Variants in FNDC3B observed in about 807,000 individuals in gnomAD.
FNDC3B encodes the protein fibronectin type III domain-containing protein 3B.
Under a neutral mutation model 151.5 loss-of-function variants are expected in FNDC3B, and 12 were observed. The ratio of observed to expected loss-of-function variants is 0.08; its 90% confidence interval spans 0.05 to 0.13. The LOEUF is 0.13. FNDC3B is among the 10% of genes least tolerant of loss of function. FNDC3B has a pLI of 1.00. For missense variants in FNDC3B, 1,214 were observed against 1,505.3 expected (o/e 0.81, Z 3.20); for synonymous variants, 528 against 549.0 (o/e 0.96, Z 0.54).
intron 3 of FNDC3B, among the ~76,000 whole-genome samples, 188 bp from the exon 4 acceptor site, chr3:172,226,683 T>G (rs1200596433): frequency 6.6e-6 from 1 of 152,232 alleles, no homozygotes; most frequent in Non-Finnish European, 1.5e-5. Flanking sequence ...TTCTTTGAGT[T>G]GTATAGCTGG....
chr3:172,115,003 T>G (rs1720173434), intron 2 of FNDC3B, among the ~76,000 whole-genome samples: 1 of 152,184 alleles, frequency 6.6e-6, no homozygotes, highest in Non-Finnish European at 1.5e-5. Context: ...ATGGGCAAAA[T>G]TGTTAAGTGG....
At chr3:172,132,703 A>G (rs556651714) in intron 2 of FNDC3B, among the ~76,000 whole-genome samples, 28 of 152,192 alleles carry the variant, frequency 1.8e-4, no homozygotes, top group African/African-American at 6.3e-4. Flanking sequence ...CAGCCTAACT[A>G]TAGTTTTTTA....
chr3:172,352,094 C>T lies in FNDC3B; in HGVS notation c.2515-709C>T, dbSNP rs1212965180. Among the ~76,000 whole-genome samples the T allele has an allele frequency of 6.6e-6, 1 of 152,114 alleles. No homozygotes were observed. Among genetic ancestry groups the T allele is most frequent in the Non-Finnish European group, 1.5e-5 (1 of 68,018 alleles). ...GGTACCGAAGTACTGAGGGCTGATA[C>T]TCACCAGCGTTAAGAGTTCAGGGGA... is the stretch of plus-strand genomic sequence containing the variant. On this transcript the variant is annotated intron_variant, in intron 21 of 25. Transcript: ENST00000415807. This position sits in a 1 kb window ranked among gnomAD's most constrained non-coding sequence, Gnocchi z 4.2.
chr3:172,160,629 A>G (rs1236988341), intron 3 of FNDC3B, among the ~76,000 whole-genome samples: 1 of 152,282 alleles, frequency 6.6e-6, no homozygotes, highest in African/African-American at 2.4e-5. Context: ...CTAGGGGGCC[A>G]TGATCCAATA....
chr3:172,331,115 T>C (rs1415438336), intron 13 of FNDC3B, among the ~76,000 whole-genome samples: 1 of 152,222 alleles, frequency 6.6e-6, no homozygotes, highest in Non-Finnish European at 1.5e-5. Flanking sequence ...AACTTCATCC[T>C]TACTAGGCTT....
intron 3 of FNDC3B, among the ~76,000 whole-genome samples, chr3:172,167,107 A>G (rs77262503): frequency 0.12 from 18,138 of 152,160 alleles, 1,116 homozygotes; most frequent in African/African-American, 0.16. Flanking sequence ...TAGAATATAC[A>G]CTTAAGGGCC....
chr3:172,204,111 C>A (rs1019839925), intron 3 of FNDC3B, among the ~76,000 whole-genome samples: 1 of 152,194 alleles, frequency 6.6e-6, no homozygotes, highest in Admixed American at 6.5e-5. Flanking sequence ...CATATTGCTG[C>A]CTCTGTGAGG....
chr3:172,395,862 A>T (rs1048952723), intron 25 of FNDC3B, among the ~76,000 whole-genome samples: 3 of 152,218 alleles, frequency 2.0e-5, no homozygotes, highest in African/African-American at 7.2e-5. Flanking sequence ...ACAGAAATGC[A>T]GTCGTGGTAC....
At chr3:172,136,772 T>G (rs1721388651) in intron 3 of FNDC3B, among the ~76,000 whole-genome samples, 1 of 152,126 alleles carries the variant, frequency 6.6e-6, no homozygotes. Flanking sequence ...CAGGCTGGAG[T>G]GCAGTGGCAC....
In FNDC3B at chr3:172,305,999, T is replaced by A. The variant is rs895480867; in HGVS notation, c.1062-1364T>A. ...TATTTGTTTGGATCAAATTTCATGC[T>A]GTCCTCCCATAAGGCAAATAGATCA... is the stretch of plus-strand genomic sequence containing the variant. On this transcript the variant is annotated intron_variant, in intron 9 of 25. Transcript: ENST00000415807. Among the ~76,000 whole-genome samples, 42 of 152,240 alleles carry A rather than the reference T, an allele frequency of 2.8e-4. 1 individual carries two copies. The highest frequency in any genetic ancestry group is 8.9e-4 in the African/African-American group (37 of 41,476).
chr3:172,201,744 G>A (rs1012500779), intron 3 of FNDC3B, among the ~76,000 whole-genome samples: 7 of 152,192 alleles, frequency 4.6e-5, no homozygotes, highest in Non-Finnish European at 8.8e-5. Context: ...TATCAGAATA[G>A]CCTTCATGTT....
At chr3:172,347,922 C>T (rs1207218205) in intron 21 of FNDC3B, among the ~76,000 whole-genome samples, 2 of 152,208 alleles carry the variant, frequency 1.3e-5, no homozygotes, top group African/African-American at 4.8e-5. Context: ...GGTTCATAGC[C>T]TAACCCCTCA....
intron 3 of FNDC3B, among the ~76,000 whole-genome samples, chr3:172,165,486 T>C (rs1003784266): frequency 6.6e-6 from 1 of 152,206 alleles, no homozygotes; most frequent in Admixed American, 6.5e-5. Flanking sequence ...CATTTTTTTG[T>C]TTTGGTTGTG....
intron 4 of FNDC3B, among the ~76,000 whole-genome samples, chr3:172,228,939 C>T (rs1576818353): frequency 6.6e-6 from 1 of 152,080 alleles, no homozygotes; most frequent in African/African-American, 2.4e-5. Flanking sequence ...AGGATGTGTA[C>T]ACAACATCTT....
At chr3:172,065,481 A>G (rs1258395753) in intron 1 of FNDC3B, among the ~76,000 whole-genome samples, 1 of 152,228 alleles carries the variant, frequency 6.6e-6, no homozygotes, top group Non-Finnish European at 1.5e-5. Context: ...GGGTAATAGG[A>G]TCACACCCGA....
intron 4 of FNDC3B, among the ~76,000 whole-genome samples, chr3:172,247,091 A>G (rs1053050881): frequency 7.2e-5 from 11 of 152,218 alleles, no homozygotes; most frequent in African/African-American, 1.2e-4. Context: ...TGTTGTCAGC[A>G]TATCTAGAAG....
intron 6 of FNDC3B, among the ~76,000 whole-genome samples, chr3:172,271,660 C>CT (rs1462757633): frequency 6.6e-6 from 1 of 152,160 alleles, no homozygotes; most frequent in East Asian, 1.9e-4. Context: ...GCTGGGGCTG[C>CT]CTTAACTGGT....
intron 22 of FNDC3B, among the ~76,000 whole-genome samples, chr3:172,356,563 G>C (rs1307626485): frequency 6.6e-6 from 1 of 152,158 alleles, no homozygotes; most frequent in Non-Finnish European, 1.5e-5. Flanking sequence ...TATGAGAAGA[G>C]CAAGTCTCAG....
At chr3:172,345,102 A>G (rs1467807240) in intron 19 of FNDC3B, among the ~76,000 whole-genome samples, 2 of 152,228 alleles carry the variant, frequency 1.3e-5, no homozygotes, top group African/African-American at 2.4e-5. Flanking sequence ...TTTTAAGTGA[A>G]AGCAAGTTTA....
Sources: gnomAD v4.1 joint callset for allele counts (sites outside exome capture counted in the v4.1 genomes callset) on GRCh38, gnomAD v4.1.1 for gene constraint, Gnocchi (gnomAD v3.1) non-coding constraint, MANE v1.5 for transcripts, NCBI Gene and HGNC (gene_info 2026-07-23, HGNC 2026-07-21) for gene names.